OSTF1: variants seen among roughly 807,000 people sequenced by gnomAD.
OSTF1 encodes the protein osteoclast stimulating factor 1.
Under a neutral mutation model 37.2 loss-of-function variants are expected in OSTF1, and 27 were observed. The ratio of observed to expected loss-of-function variants is 0.73; its 90% CI spans 0.54 to 1.00. The LOEUF (loss-of-function observed/expected upper bound fraction) is 1.00, where lower values mean the gene tolerates loss of function less well. Ranked by LOEUF, OSTF1 falls within the 50% of genes least tolerant of loss-of-function variation. The probability of loss-of-function intolerance (pLI) is 0.00; values close to 1 mark genes in which losing one functional copy is unlikely to be tolerated. For synonymous variants in OSTF1, 82 were observed against 89.2 expected (o/e 0.92, Z 0.46); for missense variants, 232 against 253.8 (o/e 0.91, Z 0.58).
At position 75,128,397 on chromosome 9, in the gene OSTF1, TATATATATATTTTGTCC is replaced by T. The variant is rs1297996000; in HGVS notation, c.132+789_132+805del. Among the ~76,000 whole-genome samples the T allele has an allele frequency of 2.8e-3, 279 of 99,498 alleles. 4 individuals are homozygous for T. Among genetic ancestry groups the T allele is most frequent in the Non-Finnish European group, 4.4e-3 (218 of 49,504 alleles). 65.3% of individuals were successfully genotyped at this position (99,498 alleles called of 152,430 possible). On this transcript the variant is annotated intron_variant, in intron 3 of 9. Coordinates refer to ENST00000346234, the MANE Select transcript of OSTF1 (RefSeq NM_012383.5). ...ATATATATATATATATATATATATA[TATATATATATTTTGTCC>T]ATATATATATATATTTTGTCCATAT... is the stretch of plus-strand genomic sequence containing the variant.
chr9:75,123,514 C>T lies in OSTF1; in HGVS notation c.82-4055C>T, dbSNP rs1293612773. Among the ~76,000 whole-genome samples, 3 of 152,198 alleles carry T rather than the reference C, an allele frequency of 2.0e-5. No individual in the cohort carries two copies. In the East Asian group the frequency reaches 5.8e-4, roughly 29 times the overall value. On this transcript the variant is annotated intron_variant, in intron 2 of 9. Transcript: ENST00000346234. ...ATGTTATTGTTTTCCCATTTCTGTTCCCTAACTGTGATGCTGGGAATTTAA... is the reference window on the plus strand; with the variant it reads ...ATGTTATTGTTTTCCCATTTCTGTTTCCTAACTGTGATGCTGGGAATTTAA...
chr9:75,144,387 CA>C (rs1473302584), intron 9 of OSTF1, among the ~76,000 whole-genome samples: 1 of 151,818 alleles, frequency 6.6e-6, no homozygotes, highest in Admixed American at 6.6e-5. Context: ...GACGTCTTTA[CA>C]AAAAAAATTA....
intron 1 of OSTF1, among the ~76,000 whole-genome samples, chr9:75,114,921 T>G (rs1825455349): frequency 6.6e-6 from 1 of 152,196 alleles, no homozygotes; most frequent in South Asian, 2.1e-4. Context: ...CATAAATAAT[T>G]AATTATTGAG....
chr9:75,094,757 G>A (rs906792435), intron 1 of OSTF1, among the ~76,000 whole-genome samples: 9 of 152,186 alleles, frequency 5.9e-5, no homozygotes, highest in African/African-American at 2.2e-4. Flanking sequence ...TCAGAAAAAT[G>A]TACAGGCCAG....
chr9:75,128,385 T>TTTTTTGTCC (rs1330797193), intron 3 of OSTF1, among the ~76,000 whole-genome samples: 1 of 90,046 alleles, frequency 1.1e-5, no homozygotes, highest in African/African-American at 5.0e-5. Flanking sequence ...TATATATATA[T>TTTTTTGTCC]ATATATATAT....
At chr9:75,106,053 A>G (rs1443165697) in intron 1 of OSTF1, among the ~76,000 whole-genome samples, 3 of 152,206 alleles carry the variant, frequency 2.0e-5, no homozygotes, top group African/African-American at 7.2e-5. Context: ...AAATCAAGAC[A>G]TGTTTCAAAT....
In OSTF1 at chr9:75,140,935, AT is replaced by A. The variant is rs1825933008; in HGVS notation, c.586+6del. 6.3e-7 allele frequency: 1 copy of A among 1,598,850 alleles called. No individual in the cohort carries two copies. The highest frequency in any genetic ancestry group is 8.6e-7 in the Non-Finnish European group (1 of 1,166,536). ...CCTGAAAAAGAAACAGGGAACAGGT[AT>A]TTGTTTTAAATTCTTCTTTCTCCTC... On this transcript the variant is annotated splice_donor_region_variant and intron_variant, in intron 9 of 9. Transcript: ENST00000346234.
At chr9:75,110,280 A>AT (rs1422006979) in intron 1 of OSTF1, among the ~76,000 whole-genome samples, 10 of 152,076 alleles carry the variant, frequency 6.6e-5, no homozygotes, top group African/African-American at 2.4e-4. Context: ...CTTGACAACC[A>AT]CTGATCTTTT....
At chr9:75,099,163 C>G (rs1825144854) in intron 1 of OSTF1, among the ~76,000 whole-genome samples, 2 of 152,000 alleles carry the variant, frequency 1.3e-5, no homozygotes, top group African/African-American at 4.8e-5. Context: ...GTCTCGAACT[C>G]CTGATCTTAG....
chr9:75,120,184 A>G (rs747562459), intron 2 of OSTF1, among the ~76,000 whole-genome samples: 7 of 152,164 alleles, frequency 4.6e-5, no homozygotes, highest in African/African-American at 7.2e-5. Context: ...AAAGTTGACA[A>G]ATTGTTAAGT....
At chr9:75,130,952 A>G (rs903956180) in intron 4 of OSTF1, among the ~76,000 whole-genome samples, 4 of 152,284 alleles carry the variant, frequency 2.6e-5, no homozygotes, top group African/African-American at 9.6e-5. Context: ...TCTTGCAGAT[A>G]GTTTCTTAGA....
intron 7 of OSTF1, among the ~76,000 whole-genome samples, chr9:75,137,191 C>T (rs1232895945): frequency 6.6e-6 from 1 of 152,206 alleles, no homozygotes; most frequent in Admixed American, 6.5e-5. Context: ...ATGCCTCATG[C>T]CTGCCCTAGC....
intron 9 of OSTF1, among the ~76,000 whole-genome samples, chr9:75,142,594 C>T (rs1184905649): frequency 6.6e-6 from 1 of 152,032 alleles, no homozygotes; most frequent in Non-Finnish European, 1.5e-5. Flanking sequence ...TTGAGGGAGG[C>T]AGGTAATGAG....
At chr9:75,097,071 G>A (rs1418818402) in intron 1 of OSTF1, among the ~76,000 whole-genome samples, 1 of 152,176 alleles carries the variant, frequency 6.6e-6, no homozygotes, top group African/African-American at 2.4e-5. Flanking sequence ...TGGTTTTTCA[G>A]GCAAGGAAAG....
intron 1 of OSTF1, among the ~76,000 whole-genome samples, chr9:75,096,247 T>C (rs1216692722): frequency 6.6e-6 from 1 of 152,196 alleles, no homozygotes; most frequent in Non-Finnish European, 1.5e-5. Context: ...TGTGCATCTG[T>C]AGGATTTTTA....
chr9:75,118,364 G>A (rs796547337), intron 2 of OSTF1, among the ~76,000 whole-genome samples: 2 of 152,280 alleles, frequency 1.3e-5, no homozygotes, highest in South Asian at 2.1e-4. Flanking sequence ...TTGGAAAGTT[G>A]CAAACATGGG....
intron 1 of OSTF1, among the ~76,000 whole-genome samples, chr9:75,109,336 C>T (rs1397458104): frequency 6.6e-6 from 1 of 152,066 alleles, no homozygotes; most frequent in Non-Finnish European, 1.5e-5. Context: ...TTCTTGTATC[C>T]CAGTAGTTCA....
intron 1 of OSTF1, among the ~76,000 whole-genome samples, chr9:75,091,550 G>T (rs1824976196): frequency 6.6e-6 from 1 of 152,140 alleles, no homozygotes; most frequent in South Asian, 2.1e-4. Context: ...AGAGTGGTGT[G>T]GAGCTTTACT....
Position 75,130,598 on chromosome 9 carries a change from A to G in OSTF1, c.153A>G (p.Lys51=). Residue 51 remains lysine (K), a synonymous_variant, in exon 4 of 10, where the codon AAA becomes AAG. Transcript: ENST00000346234. ...ITDMSDTNWW[K]GTSKGRTGLI... The stretch of plus-strand genomic sequence containing the variant: ...ACCAGAGCGATACCAATTGGTGGAA[A>G]GGCACCTCCAAAGGCAGGACTGGAC... 1 of 1,611,438 alleles carries G rather than the reference A, an allele frequency of 6.2e-7. No individual in the cohort carries two copies. The highest frequency in any genetic ancestry group is 1.1e-5 in the South Asian group (1 of 90,998).
Sources: allele counts gnomAD v4.1 joint callset (sites outside exome capture counted in the v4.1 genomes callset), GRCh38; gene constraint gnomAD v4.1.1; transcripts MANE v1.5; gene names NCBI Gene and HGNC (gene_info 2026-07-23, HGNC 2026-07-21).